The following HDAC9 variants were observed in gnomAD, a reference collection of about 807,000 sequenced individuals.
HDAC9 encodes the protein MEF-2 interacting transcription repressor (MITR) protein.
HDAC9 carries 41 observed loss-of-function variants against 139.4 expected under a neutral mutation model. The ratio of observed to expected loss-of-function variants is 0.29; its 90% CI spans 0.23 to 0.38. The LOEUF is 0.38. Ranked by LOEUF, HDAC9 falls within the 10% of genes least tolerant of loss-of-function variation. HDAC9 has a pLI of 1.00. For missense variants in HDAC9, 1,147 were observed against 1,297.0 expected (o/e 0.88, Z 1.78); for synonymous variants, 517 against 476.2 (o/e 1.09, Z -1.12).
At chr7:18,137,603 A>G (rs1033864526) in intron 1 of HDAC9, among the ~76,000 whole-genome samples, 1 of 150,710 alleles carries the variant, frequency 6.6e-6, no homozygotes, top group African/African-American at 2.4e-5. Flanking sequence ...ATGCTGGATT[A>G]CATTTATTGA....
chr7:18,749,063 C>A lies in HDAC9; in HGVS notation c.1968C>A (p.Thr656=). 6.2e-7 allele frequency: 1 copy of A among 1,613,632 alleles called. No individual in the cohort carries two copies. The highest frequency in any genetic ancestry group is 8.5e-7 in the Non-Finnish European group (1 of 1,179,734). The part of the protein sequence containing the change: ...KHQCVCGNST[T]HPEHAGRIQS... ...AGTGCGTTTGTGGCAATTCCACCAC[C>A]CACCCTGAGCATGCTGGACGAATAC... Residue 656 remains threonine (T), a synonymous_variant, in exon 14 of 26, where the codon ACC becomes ACA. Coordinates refer to ENST00000686413, the MANE Select transcript of HDAC9 (RefSeq NM_178425.4).
chr7:18,800,576 T>G (rs1269818827), intron 17 of HDAC9, among the ~76,000 whole-genome samples: 1 of 152,230 alleles, frequency 6.6e-6, no homozygotes, highest in Non-Finnish European at 1.5e-5. Flanking sequence ...TGCATGCCTG[T>G]AATCCCAGCA....
intron 1 of HDAC9, among the ~76,000 whole-genome samples, chr7:18,152,673 C>T (rs1353386231): frequency 6.6e-6 from 1 of 152,058 alleles, no homozygotes; most frequent in African/African-American, 2.4e-5. Context: ...TGAACAACTC[C>T]CCCAGCTCTG....
At chr7:18,252,599 C>G (rs111700115) in intron 2 of HDAC9, among the ~76,000 whole-genome samples, 1 of 152,054 alleles carries the variant, frequency 6.6e-6, no homozygotes, top group Non-Finnish European at 1.5e-5. Flanking sequence ...CATTTTTTAA[C>G]ACTTTGAATG....
intron 22 of HDAC9, among the ~76,000 whole-genome samples, chr7:18,882,861 C>G (rs914472361): frequency 3.9e-5 from 6 of 151,992 alleles, no homozygotes; most frequent in Admixed American, 2.0e-4. Context: ...GTTTCAGACT[C>G]CTGTTTGAAG....
At chr7:18,590,908 T>A (rs1830761747) in intron 4 of HDAC9, among the ~76,000 whole-genome samples, 1 of 152,156 alleles carries the variant, frequency 6.6e-6, no homozygotes, top group African/African-American at 2.4e-5. Context: ...TTTGAGAAGA[T>A]TTAAGACATA....
chr7:18,889,004 G>T (rs949285081), intron 22 of HDAC9, among the ~76,000 whole-genome samples: 5 of 152,080 alleles, frequency 3.3e-5, no homozygotes, highest in Admixed American at 2.0e-4. Context: ...CCAAACAATT[G>T]ACTATCTGTG....
At chr7:18,585,817 C>T (rs2073975) in intron 3 of HDAC9, among the ~76,000 whole-genome samples, 43,463 of 151,826 alleles carry the variant, frequency 0.29, 7,303 homozygotes, top group Non-Finnish European at 0.36. Flanking sequence ...TCATTTGCCC[C>T]ATCTGCTCTC....
chr7:18,298,904 T>G (rs1159549915), intron 1 of HDAC9, among the ~76,000 whole-genome samples: 3 of 152,198 alleles, frequency 2.0e-5, no homozygotes, highest in Non-Finnish European at 4.4e-5. Context: ...AACAACACCG[T>G]GAACGAAAAC....
rs1247536779 is a variant in HDAC9 at position 18,629,427 on chromosome 7, C to T, written c.742C>T (p.Arg248Trp). 6.8e-6 allele frequency: 11 copies of T among 1,610,510 alleles called. No homozygotes were observed. Among genetic ancestry groups the T allele is most frequent in the South Asian group, 1.1e-5 (1 of 90,850 alleles). The change falls in exon 7 of 26, where the codon CGG becomes TGG. Residue 248 changes from arginine to tryptophan, a missense_variant. Physicochemically the swap from Arg to Trp is moderately radical, Grantham distance 101 (BLOSUM62 -3). Transcript: ENST00000686413. The stretch of plus-strand genomic sequence containing the variant: ...GAGGAGAAGCAGCCCCTTACTCAGG[C>T]GGAAGGATGGAAATGTTGTCACTTC... ...AERRSSPLLRRKDGNVVTSFK... is the reference protein window; with the variant it reads ...AERRSSPLLRWKDGNVVTSFK...
intron 2 of HDAC9, among the ~76,000 whole-genome samples, chr7:18,166,608 C>T (rs1000927273): frequency 3.3e-5 from 5 of 152,084 alleles, no homozygotes; most frequent in Admixed American, 1.3e-4. Flanking sequence ...TTAATAAAAG[C>T]TTCTCTGCAA....
intron 2 of HDAC9, among the ~76,000 whole-genome samples, chr7:18,236,333 A>C (rs1441359365): frequency 6.6e-6 from 1 of 152,186 alleles, no homozygotes; most frequent in Non-Finnish European, 1.5e-5. Flanking sequence ...GAAGAGCCCT[A>C]TATCATCCCC....
At chr7:18,876,273 C>G (rs924088307) in intron 22 of HDAC9, among the ~76,000 whole-genome samples, 4 of 152,104 alleles carry the variant, frequency 2.6e-5, no homozygotes, top group Admixed American at 6.6e-5. Flanking sequence ...GGAAGCTCTT[C>G]ATTGTGTTCC....
At chr7:18,267,911 T>G (rs948561597) in intron 2 of HDAC9, among the ~76,000 whole-genome samples, 11 of 152,118 alleles carry the variant, frequency 7.2e-5, no homozygotes, top group Non-Finnish European at 1.6e-4. Flanking sequence ...GGCAGATACC[T>G]AAACACTCTT....
chr7:18,736,936 T>C (rs1786970261), intron 13 of HDAC9, among the ~76,000 whole-genome samples: 1 of 152,210 alleles, frequency 6.6e-6, no homozygotes. Flanking sequence ...TGTTCATAGA[T>C]TCAACTTCTT....
rs560825045 is a variant in HDAC9, at chr7:18,917,919, T to G, written c.2804-17890T>G. 3.4e-4 allele frequency among the ~76,000 whole-genome samples: 51 copies of G among 152,138 alleles called. 1 individual carries two copies. Among genetic ancestry groups the G allele is most frequent in the Middle Eastern group, 3.4e-3 (1 of 294 alleles). ...CATATTGGGGCCCTGATTACCAAAC[T>G]GAGCAGTTTAAGCTCATTTGTCATT... On this transcript the variant is annotated intron_variant, in intron 22 of 25. Transcript: ENST00000686413.
intron 12 of HDAC9, among the ~76,000 whole-genome samples, chr7:18,705,862 A>T (rs1344672584): frequency 2.5e-5 from 3 of 121,606 alleles, no homozygotes; most frequent in African/African-American, 1.8e-4. Flanking sequence ...CAAAAAAAAA[A>T]ATAAAATAAA....
chr7:18,096,134 A>C (rs943680494), intron 1 of HDAC9, among the ~76,000 whole-genome samples: 1 of 152,178 alleles, frequency 6.6e-6, no homozygotes, highest in African/African-American at 2.4e-5. Context: ...TCAAATCTGT[A>C]AGCTGTATTC....
chr7:18,410,128 A>G (rs963395641), intron 1 of HDAC9, among the ~76,000 whole-genome samples: 2 of 152,148 alleles, frequency 1.3e-5, no homozygotes, highest in African/African-American at 4.8e-5. Flanking sequence ...CTTGGTAAAT[A>G]TATAATGTAG....
Sources: gnomAD v4.1 joint callset for allele counts (sites outside exome capture counted in the v4.1 genomes callset) on GRCh38, gnomAD v4.1.1 for gene constraint, MANE v1.5 for transcripts, NCBI Gene and HGNC (gene_info 2026-07-23, HGNC 2026-07-21) for gene names.